Variants in HEATR1 observed in about 807,000 individuals in gnomAD.
HEATR1 encodes HEAT repeat-containing protein 1.
HEATR1 carries 77 observed loss-of-function variants against 248.2 expected under a neutral mutation model. That is an observed-to-expected ratio of 0.31 (90% CI 0.26 to 0.37). The LOEUF (loss-of-function observed/expected upper bound fraction) is 0.37. Ranked by LOEUF, HEATR1 falls within the 10% of genes least tolerant of loss-of-function variation. HEATR1 has a pLI of 1.00. For missense variants in HEATR1, 2,420 were observed against 2,504.9 expected, an observed-to-expected ratio of 0.97 and a Z score of 0.72; for synonymous variants, 897 against 923.1, an observed-to-expected ratio of 0.97 and a Z score of 0.51.
intron 12 of HEATR1, among the ~76,000 whole-genome samples, chr1:236,588,951 A>T (rs1663961869): frequency 6.6e-6 from 1 of 152,226 alleles, no homozygotes; most frequent in Non-Finnish European, 1.5e-5. Context: ...TCATTTAAAC[A>T]AATCCTCAAG....
chr1:236,572,303 T>G, intron 26 of HEATR1, 108 bp downstream of exon 26: 1 of 1,267,696 alleles, frequency 7.9e-7, no homozygotes, highest in African/African-American at 1.5e-5. Flanking sequence ...TTGCTTTATT[T>G]TACAGACTAT....
chr1:236,573,831 T>C (rs1044429935), intron 24 of HEATR1, among the ~76,000 whole-genome samples: 15 of 152,128 alleles, frequency 9.9e-5, no homozygotes, highest in African/African-American at 3.6e-4. Flanking sequence ...TTCCATTATA[T>C]GTCATTAAAC....
chr1:236,592,064 T>C lies in HEATR1; in HGVS notation c.1351A>G (p.Ile451Val), dbSNP rs375930921. Residue 451 changes from isoleucine to valine, a missense_variant, in exon 11 of 45, where the codon ATT (isoleucine) becomes GTT (valine). Coordinates refer to ENST00000366582, the MANE Select transcript of HEATR1 (RefSeq NM_018072.6). ...DVVLEEHLKE[I>V]ADLKKQELFH... is the part of the protein sequence containing the mutation. ...AGCTCTTGTTTTTTCAGATCTGCAA[T>C]TTCCTTTAAGTGTTCCTCTAATACA... is the stretch of plus-strand genomic sequence containing the variant. 6.2e-7 allele frequency: 1 copy of C among 1,609,058 alleles called. No homozygotes were observed. The highest frequency in any genetic ancestry group is 8.5e-7 in the Non-Finnish European group (1 of 1,176,302).
At position 236,571,603 on chromosome 1, in the gene HEATR1, T is replaced by C; in HGVS notation, c.3791A>G (p.Gln1264Arg). The C allele has an allele frequency of 1.9e-6, 3 of 1,614,120 alleles. No individual in the cohort carries two copies. The highest frequency in any genetic ancestry group is 2.5e-6 in the Non-Finnish European group (3 of 1,179,940). ...LILSCLLNIC[Q>R]KLSPDGGKIP... ...TTTGCCACCATCTGGAGATAGTTTT[T>C]GGCAGATGTTGAGCAGACAACTAAG... The change falls in exon 27 of 45, where the codon CAA becomes CGA. Residue 1264 changes from glutamine to arginine, a missense_variant. Transcript: ENST00000366582.
At chr1:236,588,497 C>G (rs952069816) in intron 12 of HEATR1, among the ~76,000 whole-genome samples, 8 of 152,118 alleles carry the variant, frequency 5.3e-5, no homozygotes, top group Non-Finnish European at 1.0e-4. Context: ...TACCTACCTG[C>G]AAGGGTTGTT....
chr1:236,601,493 G>A (rs1227363603), intron 3 of HEATR1, among the ~76,000 whole-genome samples: 1 of 152,114 alleles, frequency 6.6e-6, no homozygotes, highest in African/African-American at 2.4e-5. Flanking sequence ...TAATGGAATA[G>A]AAATCTACTT....
rs142192790 is a variant in HEATR1 at position 236,592,555 on chromosome 1, T to C, written c.1272A>G (p.Gln424=). Residue 424 remains glutamine, a synonymous_variant, in exon 10 of 45, where the codon CAA becomes CAG. Transcript: ENST00000366582. ...DSNKVSLLNE[Q]FLPLIRLLES... Reference sequence around the variant, plus strand: ...CTAAAAGCCTAATGAGTGGAAGAAATTGTTCATTAAGCAAAGACACTTTAT... The same window carrying C: ...CTAAAAGCCTAATGAGTGGAAGAAACTGTTCATTAAGCAAAGACACTTTAT... The C allele has an allele frequency of 9.9e-4, 1,484 of 1,494,656 alleles. 19 individuals are homozygous for C. The African/African-American group carries it at 0.018, about 18-fold the overall frequency. 92.6% of individuals were successfully genotyped at this position (1,494,656 alleles called of 1,614,324 possible).
At chr1:236,581,451 T>C (rs776889621) in intron 19 of HEATR1, 37 bp from the exon 20 acceptor site, 2 of 1,398,042 alleles carry the variant, frequency 1.4e-6, no homozygotes, top group Admixed American at 2.5e-5. Context: ...TTTTAATTCT[T>C]ACTCAAATAA....
Position 236,581,440 on chromosome 1 carries a change from C to T in HEATR1, c.2563-26G>A, listed in dbSNP as rs560406663. 1.5e-5 allele frequency: 20 copies of T among 1,335,000 alleles called. No homozygotes were observed. The South Asian group carries it at 2.8e-4, about 19-fold the overall frequency. The allele number at this position is 1,335,000 out of a possible 1,614,324, so 82.7% of individuals were successfully genotyped here. A position where few individuals can be genotyped will look rare whatever the true frequency, so the allele number is the denominator to read the frequency against. On this transcript the variant is annotated intron_variant, in intron 19 of 44. Coordinates refer to ENST00000366582, the MANE Select transcript of HEATR1 (RefSeq NM_018072.6). ...CTAATTAAAAAAAAAAAAAAGCAAACTTTTAATTCTTACTCAAATAAGCTG... is the reference window on the plus strand; with the variant it reads ...CTAATTAAAAAAAAAAAAAAGCAAATTTTTAATTCTTACTCAAATAAGCTG...
rs1247284014 is a variant in HEATR1 at position 236,574,295 on chromosome 1, T to G, written c.3366A>C (p.Lys1122Asn). 5 of 1,612,066 alleles carry G rather than the reference T, an allele frequency of 3.1e-6. No individual in the cohort carries two copies. Among genetic ancestry groups the G allele is most frequent in the Non-Finnish European group, 4.2e-6 (5 of 1,179,270 alleles). ...KPFFAAISDE[K>N]VQQKLLRMLF... The stretch of plus-strand genomic sequence containing the variant: ...ACATTCTTAAAAGCTTCTGCTGAAC[T>G]TTTTCATCTGATATGGCTGCAAAAA... Residue 1122 changes from lysine (K) to asparagine (N), a missense_variant, in exon 24 of 45, where the codon AAA (lysine) becomes AAC (asparagine). By Grantham distance (94) the Lys-to-Asn change is moderately conservative. Transcript: ENST00000366582.
At chr1:236,603,064 A>T in intron 3 of HEATR1, 96 bp downstream of exon 3, 1 of 850,384 alleles carries the variant, frequency 1.2e-6, no homozygotes, top group Admixed American at 2.0e-5. Context: ...AATATACCTA[A>T]TTTTTCAGCT....
At position 236,574,841 on chromosome 1, in the gene HEATR1, G is replaced by C. The variant is rs138699782; in HGVS notation, c.3147C>G (p.Pro1049=). 4.6e-3 allele frequency: 7,480 copies of C among 1,613,760 alleles called. 25 individuals carry two copies. Among genetic ancestry groups the C allele is most frequent in the Non-Finnish European group, 5.9e-3 (6,915 of 1,179,720 alleles). Residue 1049 remains proline (P), a synonymous_variant, in exon 23 of 45, where the codon CCC becomes CCG. Transcript: ENST00000366582. ...TGGCCTCATCTTTCAGCACAGCTGT[G>C]GGCTCCTTCTGGATCTTTTCTAGCA... ...EQLLEKIQKE[P]TAVLKDEAMV... is the part of the protein sequence containing the mutation.
chr1:236,589,729 ACT>A (rs1209984592), intron 12 of HEATR1, among the ~76,000 whole-genome samples: 1 of 152,182 alleles, frequency 6.6e-6, no homozygotes, highest in East Asian at 1.9e-4. Flanking sequence ...TAACCGCTTT[ACT>A]CTGTTCCAGA....
Position 236,559,314 on chromosome 1 carries a change from GAACAA to G in HEATR1, c.4771-184_4771-180del, listed in dbSNP as rs1663060450. ...TAGGCATTACCAACCACACATTATC[GAACAA>G]AACAAAAGCCTGATGTCAGGAGGAA... On this transcript the variant is annotated intron_variant, in intron 34 of 44. Transcript: ENST00000366582. Among the ~76,000 whole-genome samples, 2 of 151,936 alleles carry G rather than the reference GAACAA, an allele frequency of 1.3e-5. 1 individual carries two copies. The highest frequency in any genetic ancestry group is 4.2e-4 in the South Asian group (2 of 4,808).
Position 236,564,494 on chromosome 1 carries a change from T to C in HEATR1, c.4599+4A>G, listed in dbSNP as rs763095930. On this transcript the variant is annotated splice_donor_region_variant and intron_variant, in intron 32 of 44. Coordinates refer to ENST00000366582, the MANE Select transcript of HEATR1 (RefSeq NM_018072.6). Reference sequence around the variant, plus strand: ...TTTATAAACACATTTAAAGAACACATTACCTTTTTCAGAAAATTATTGGAA... The same window carrying C: ...TTTATAAACACATTTAAAGAACACACTACCTTTTTCAGAAAATTATTGGAA... 1 of 1,612,534 alleles carries C rather than the reference T, an allele frequency of 6.2e-7. No individual in the cohort carries two copies. Among genetic ancestry groups the C allele is most frequent in the Non-Finnish European group, 8.5e-7 (1 of 1,179,640 alleles).
chr1:236,595,174 G>A (rs915672498), intron 8 of HEATR1, among the ~76,000 whole-genome samples: 2 of 151,832 alleles, frequency 1.3e-5, no homozygotes, highest in Non-Finnish European at 2.9e-5. Context: ...TTTGGCAACT[G>A]GATGAGATAT....
chr1:236,597,699 T>TAAAAAAAAAAAAA (rs5781901), intron 5 of HEATR1, among the ~76,000 whole-genome samples, 179 bp downstream of exon 5: 1 of 146,246 alleles, frequency 6.8e-6, no homozygotes, highest in Non-Finnish European at 1.5e-5. Context: ...GACTGATTCT[T>TAAAAAAAAAAAAA]AAAAAAAAAA....
intron 12 of HEATR1, 71 bp downstream of exon 12, chr1:236,590,776 A>G (rs568965673): frequency 5.6e-6 from 4 of 709,174 alleles, no homozygotes; most frequent in South Asian, 4.3e-5. Flanking sequence ...GGTAACTTCA[A>G]TTTCTTATTC....
Position 236,585,171 on chromosome 1 carries a change from T to C in HEATR1, c.2095A>G (p.Lys699Glu), listed in dbSNP as rs759695973. 1 of 1,614,020 alleles carries C rather than the reference T, an allele frequency of 6.2e-7. No individual in the cohort carries two copies. ...ATCACATGAAACGTTACTTTCTGCT[T>C]CAGGTTAAAGGACTCCTCCTCACCC... ...SVGEEESFNL[K>E]QKVTFHVILS... The change falls in exon 17 of 45, where the codon AAG (lysine) becomes GAG (glutamate). Residue 699 changes from lysine (K) to glutamate (E), a missense_variant. Physicochemically the swap from Lys to Glu is moderately conservative, Grantham distance 56 (BLOSUM62 1). Transcript: ENST00000366582.
Sources: allele counts gnomAD v4.1 joint callset (sites outside exome capture counted in the v4.1 genomes callset), GRCh38; gene constraint gnomAD v4.1.1; transcripts MANE v1.5; gene names NCBI Gene and HGNC (gene_info 2026-07-23, HGNC 2026-07-21).